The following MUC13 variants were observed in gnomAD, a reference collection of about 807,000 sequenced individuals.
MUC13 encodes mucin 13, cell surface associated, also known as mucin-13.
A neutral mutation model predicts 48.3 loss-of-function variants in MUC13; 32 were observed. That is an observed-to-expected ratio of 0.66 (90% CI 0.50 to 0.89). The LOEUF (loss-of-function observed/expected upper bound fraction) is 0.89, where lower values mean the gene tolerates loss of function less well. Among genes scored for constraint, MUC13 ranks in the 40% least tolerant of loss-of-function variants. The pLI is 0.00. For missense variants in MUC13, 571 were observed against 622.8 expected, an observed-to-expected ratio of 0.92 and a Z score of 0.88; for synonymous variants, 199 against 224.9, an observed-to-expected ratio of 0.88 and a Z score of 1.03.
At position 124,913,108 on chromosome 3, in the gene MUC13, T is replaced by C; in HGVS notation, c.1214+3A>G. On this transcript the variant is annotated splice_donor_region_variant and intron_variant, in intron 8 of 11. Coordinates refer to ENST00000616727, the MANE Select transcript of MUC13 (RefSeq NM_033049.4). ...AAGACAAAAACAAAGTTATTTTTCT[T>C]ACTTTTGGCAGTTCCCATTAGCATC... 1 of 1,613,474 alleles carries C rather than the reference T, an allele frequency of 6.2e-7. No homozygotes were observed.
chr3:124,907,827 T>C (rs145211926), intron 11 of MUC13, among the ~76,000 whole-genome samples: 64 of 152,192 alleles, frequency 4.2e-4, no homozygotes, highest in Non-Finnish European at 7.2e-4. Flanking sequence ...AGAAGTGTCA[T>C]CATCATAATC....
chr3:124,920,188 T>C, intron 5 of MUC13, 46 bp downstream of exon 5: 1 of 1,528,138 alleles, frequency 6.5e-7, no homozygotes, highest in Non-Finnish European at 9.0e-7. Context: ...GCTCGGAAGT[T>C]AGACAGACAC....
intron 4 of MUC13, among the ~76,000 whole-genome samples, chr3:124,920,776 T>A (rs1166352622): frequency 6.6e-6 from 1 of 152,256 alleles, no homozygotes; most frequent in Admixed American, 6.5e-5. Context: ...ATGAAGTTCT[T>A]CAGGGGTTCC....
At chr3:124,932,671 A>T (rs897509812) in intron 1 of MUC13, among the ~76,000 whole-genome samples, 1 of 152,176 alleles carries the variant, frequency 6.6e-6, no homozygotes, top group African/African-American at 2.4e-5. Context: ...GTATCCCGGC[A>T]CATCAGGCTC....
At chr3:124,922,986 T>C (rs954628044) in intron 3 of MUC13, among the ~76,000 whole-genome samples, 1 of 151,742 alleles carries the variant, frequency 6.6e-6, no homozygotes, top group African/African-American at 2.4e-5. Context: ...GTGCTAAAAA[T>C]ATGAGCATTT....
intron 5 of MUC13, 61 bp downstream of exon 5, chr3:124,920,173 G>A: frequency 7.0e-7 from 1 of 1,435,294 alleles, no homozygotes; most frequent in Non-Finnish European, 9.7e-7. Flanking sequence ...CAGACCTCAA[G>A]AGAAGCTCGG....
intron 4 of MUC13, among the ~76,000 whole-genome samples, chr3:124,921,792 AT>A (rs1438418368): frequency 2.0e-5 from 3 of 152,184 alleles, no homozygotes; most frequent in South Asian, 4.1e-4. Flanking sequence ...ACATCTTTAA[AT>A]TTTTTCTCTT....
chr3:124,933,393 G>A (rs1234120346), intron 1 of MUC13, among the ~76,000 whole-genome samples: 2 of 152,148 alleles, frequency 1.3e-5, no homozygotes, highest in African/African-American at 4.8e-5. Context: ...TGTAAGGACT[G>A]ATCCACCAAA....
chr3:124,923,102 G>GAAAAAAAAA (rs60674640), intron 3 of MUC13, among the ~76,000 whole-genome samples: 1 of 141,622 alleles, frequency 7.1e-6, no homozygotes, highest in Non-Finnish European at 1.5e-5. Flanking sequence ...TCATAAAACA[G>GAAAAAAAAA]AAAAAAAAAA....
chr3:124,934,578 A>T, intron 1 of MUC13, 83 bp downstream of exon 1: 1 of 912,858 alleles, frequency 1.1e-6, no homozygotes, highest in South Asian at 1.4e-5. Flanking sequence ...GGGCTGGGAG[A>T]ATTGGTAGCT....
At chr3:124,916,943 G>T (rs1935520534) in intron 5 of MUC13, among the ~76,000 whole-genome samples, 1 of 152,072 alleles carries the variant, frequency 6.6e-6, no homozygotes, top group Admixed American at 6.6e-5. Flanking sequence ...CAGCCATAGA[G>T]AGCCTGGATC....
At chr3:124,930,207 C>T (rs550410347) in intron 1 of MUC13, among the ~76,000 whole-genome samples, 9 of 152,296 alleles carry the variant, frequency 5.9e-5, no homozygotes, top group African/African-American at 2.2e-4. Context: ...GGAATTATGA[C>T]AAGGAGTTTT....
intron 1 of MUC13, among the ~76,000 whole-genome samples, chr3:124,934,403 A>T (rs556798955): frequency 6.6e-6 from 1 of 152,294 alleles, no homozygotes; most frequent in East Asian, 1.9e-4. Context: ...CAAGTGATCC[A>T]TCTGCCTCGG....
At chr3:124,932,291 C>T (rs765281779) in intron 1 of MUC13, among the ~76,000 whole-genome samples, 1 of 151,914 alleles carries the variant, frequency 6.6e-6, no homozygotes, top group Non-Finnish European at 1.5e-5. Context: ...CCAGGCTGGG[C>T]GTGGTGGCTC....
chr3:124,934,259 C>A (rs916754980), intron 1 of MUC13, among the ~76,000 whole-genome samples: 1 of 152,152 alleles, frequency 6.6e-6, no homozygotes, highest in Non-Finnish European at 1.5e-5. Context: ...CGAGTTCAAG[C>A]GATTCTTTCT....
chr3:124,909,473 C>T (rs917568693), intron 10 of MUC13, among the ~76,000 whole-genome samples: 8 of 132,356 alleles, frequency 6.0e-5, no homozygotes, highest in African/African-American at 2.2e-4. Flanking sequence ...AGAGATGACA[C>T]GTGTGTGCTT....
chr3:124,929,186 T>A (rs1333730224), intron 1 of MUC13, among the ~76,000 whole-genome samples: 3 of 151,630 alleles, frequency 2.0e-5, no homozygotes, highest in Non-Finnish European at 4.4e-5. Context: ...TTTTATTTTT[T>A]TTTTTTAGAG....
At chr3:124,909,025 G>A (rs377331662) in intron 10 of MUC13, among the ~76,000 whole-genome samples, 1 of 152,180 alleles carries the variant, frequency 6.6e-6, no homozygotes, top group East Asian at 1.9e-4. Flanking sequence ...ACAGTGGCAT[G>A]TGCCTCTAGT....
intron 5 of MUC13, among the ~76,000 whole-genome samples, chr3:124,916,715 G>A (rs1258609271): frequency 6.6e-6 from 1 of 152,144 alleles, no homozygotes; most frequent in Non-Finnish European, 1.5e-5. Flanking sequence ...TGTTCTGTTG[G>A]AGAAAACTTA....
Sources: gnomAD v4.1 joint callset for allele counts (sites outside exome capture counted in the v4.1 genomes callset) on GRCh38, gnomAD v4.1.1 for gene constraint, MANE v1.5 for transcripts, NCBI Gene and HGNC (gene_info 2026-07-23, HGNC 2026-07-21) for gene names.